Variants in ALCAM observed in about 807,000 individuals in gnomAD.
The protein encoded by ALCAM is activated leukocyte cell adhesion molecule, also known as CD166 antigen.
In ALCAM, 30 loss-of-function variants were observed where a neutral mutation model predicts 70.9. The observed-to-expected ratio is 0.42, with a 90% CI of 0.32 to 0.57. The LOEUF (loss-of-function observed/expected upper bound fraction) is 0.57, where lower values mean the gene tolerates loss of function less well. ALCAM is among the 20% of genes least tolerant of loss of function. The pLI, the probability that ALCAM is intolerant of heterozygous loss-of-function variation, is 0.11. For missense variants in ALCAM, 591 were observed against 695.1 expected, an observed-to-expected ratio of 0.85 and a Z score of 1.68; for synonymous variants, 249 against 242.5, an observed-to-expected ratio of 1.03 and a Z score of -0.25.
intron 1 of ALCAM, among the ~76,000 whole-genome samples, chr3:105,469,749 A>T (rs912801926): frequency 1.3e-5 from 2 of 151,146 alleles, no homozygotes; most frequent in Non-Finnish European, 3.0e-5. Context: ...AACTGCTGTT[A>T]TCACCTTCTG....
chr3:105,389,652 G>A (rs952269688), intron 1 of ALCAM, among the ~76,000 whole-genome samples: 2 of 151,216 alleles, frequency 1.3e-5, no homozygotes, highest in Non-Finnish European at 3.0e-5. Flanking sequence ...TAAATGTGTG[G>A]CATGGTGATT....
intron 14 of ALCAM, among the ~76,000 whole-genome samples, chr3:105,557,959 A>G (rs1057096451): frequency 5.4e-4 from 82 of 152,104 alleles, no homozygotes; most frequent in African/African-American, 2.0e-3. Flanking sequence ...TTCCTTCTTC[A>G]ATCAAGAAAT....
intron 6 of ALCAM, among the ~76,000 whole-genome samples, chr3:105,537,497 T>C (rs1940001042): frequency 6.6e-6 from 1 of 152,162 alleles, no homozygotes; most frequent in Non-Finnish European, 1.5e-5. Flanking sequence ...TGAGTTCGTT[T>C]TAGCCATGGT....
chr3:105,386,926 T>C (rs1292987621), intron 1 of ALCAM, among the ~76,000 whole-genome samples: 3 of 151,518 alleles, frequency 2.0e-5, no homozygotes, highest in Non-Finnish European at 4.4e-5. Flanking sequence ...AAAGGTTACA[T>C]GAGCAAATTA....
At chr3:105,503,035 AAAAC>A (rs777682682) in intron 1 of ALCAM, among the ~76,000 whole-genome samples, 3 of 152,248 alleles carry the variant, frequency 2.0e-5, no homozygotes, top group Non-Finnish European at 4.4e-5. Flanking sequence ...AAAGCTTAAG[AAAAC>A]AAACAACAGT....
intron 2 of ALCAM, among the ~76,000 whole-genome samples, chr3:105,523,513 A>G (rs756002589): frequency 2.8e-4 from 43 of 152,304 alleles, no homozygotes; most frequent in Admixed American, 1.8e-3. Context: ...TAGGGTACAT[A>G]AAGGAGGGAC....
At position 105,497,827 on chromosome 3, in the gene ALCAM, C is replaced by G. The variant is rs551176432; in HGVS notation, c.74-22240C>G. ...CGGGCGGATCACGAGGTCGGGAGAT[C>G]GAGACCATCCTGGCTAACACGGTGA... is the stretch of plus-strand genomic sequence containing the variant. On this transcript the variant is annotated intron_variant, in intron 1 of 15. Coordinates refer to ENST00000306107, the MANE Select transcript of ALCAM (RefSeq NM_001627.4). Among the ~76,000 whole-genome samples the G allele has an allele frequency of 7.2e-5, 11 of 151,996 alleles. No individual in the cohort carries two copies. In the South Asian group the frequency reaches 8.3e-4, roughly 11 times the overall value.
chr3:105,417,254 C>T (rs540337826), intron 1 of ALCAM, among the ~76,000 whole-genome samples: 2 of 151,800 alleles, frequency 1.3e-5, no homozygotes, highest in South Asian at 4.2e-4. Flanking sequence ...GATATCTTTC[C>T]ATTTCACCCC....
chr3:105,370,068 C>T (rs774606462), intron 1 of ALCAM, among the ~76,000 whole-genome samples: 2 of 152,184 alleles, frequency 1.3e-5, no homozygotes, highest in South Asian at 2.1e-4. Context: ...GTATGAACCC[C>T]TCTATGGGAT....
In ALCAM at chr3:105,534,832, A is replaced by G; in HGVS notation, c.717A>G (p.Val239=). The part of the protein sequence containing the change: ...GQKTIHSEQA[V]FDIYYPTEQV... ...AAACAATTCATTCTGAACAGGCAGT[A>G]TTTGATATTTACTGTAAGTAATTCA... Residue 239 remains valine, a synonymous_variant, in exon 6 of 16, where the codon GTA becomes GTG. Transcript: ENST00000306107. 6.2e-7 allele frequency: 1 copy of G among 1,611,382 alleles called. No homozygotes were observed.
chr3:105,544,857 CT>C (rs1401389216), intron 8 of ALCAM: 1 of 211,316 alleles, frequency 4.7e-6, no homozygotes, highest in Non-Finnish European at 9.7e-6. Flanking sequence ...GCCTTACTGT[CT>C]CTTTATATAA....
chr3:105,563,728 C>T (rs1272882418), intron 14 of ALCAM, among the ~76,000 whole-genome samples: 3 of 122,186 alleles, frequency 2.5e-5, no homozygotes, highest in African/African-American at 9.8e-5. Context: ...TCGCCCAGGC[C>T]GGACTGCGGA....
chr3:105,490,050 G>T (rs1400870920), intron 1 of ALCAM, among the ~76,000 whole-genome samples: 1 of 152,068 alleles, frequency 6.6e-6, no homozygotes. Context: ...AAGATATTTT[G>T]TTTACCTAGC....
At chr3:105,512,527 T>G (rs1353827303) in intron 1 of ALCAM, among the ~76,000 whole-genome samples, 1 of 151,916 alleles carries the variant, frequency 6.6e-6, no homozygotes, top group African/African-American at 2.4e-5. Flanking sequence ...GCTCAGAAAA[T>G]GTACAGAGCA....
chr3:105,551,497 G>T (rs1940405707), intron 12 of ALCAM, among the ~76,000 whole-genome samples: 1 of 151,664 alleles, frequency 6.6e-6, no homozygotes, highest in Non-Finnish European at 1.5e-5. Context: ...GTCACTGGCA[G>T]TTCCGATGCA....
intron 1 of ALCAM, among the ~76,000 whole-genome samples, chr3:105,395,874 A>C (rs928196704): frequency 1.3e-5 from 2 of 152,010 alleles, no homozygotes; most frequent in Non-Finnish European, 2.9e-5. Context: ...TTCTAAGGCC[A>C]TATGGCAGCC....
chr3:105,371,154 C>G (rs1429776198), intron 1 of ALCAM, among the ~76,000 whole-genome samples: 1 of 152,116 alleles, frequency 6.6e-6, no homozygotes, highest in Non-Finnish European at 1.5e-5. Flanking sequence ...AAATGCATGT[C>G]TACCATTGAC....
chr3:105,438,374 G>A (rs565691731), intron 1 of ALCAM, among the ~76,000 whole-genome samples: 31 of 151,496 alleles, frequency 2.0e-4, no homozygotes, highest in Non-Finnish European at 4.0e-4. Flanking sequence ...TATACATAAG[G>A]GACACACATA....
chr3:105,568,929 CTTTAT>C (rs1940801499), intron 14 of ALCAM, among the ~76,000 whole-genome samples: 1 of 151,724 alleles, frequency 6.6e-6, no homozygotes, highest in Non-Finnish European at 1.5e-5. Flanking sequence ...GTAGTCCATG[CTTTAT>C]TTTAAGGTTG....
Sources: gnomAD v4.1 joint callset for allele counts (sites outside exome capture counted in the v4.1 genomes callset) on GRCh38, gnomAD v4.1.1 for gene constraint, MANE v1.5 for transcripts, NCBI Gene and HGNC (gene_info 2026-07-23, HGNC 2026-07-21) for gene names.